Variants in CYBA observed in about 807,000 individuals in gnomAD.
CYBA encodes cytochrome b-245 alpha chain.
CYBA carries 21 observed loss-of-function variants against 20.8 expected under a neutral mutation model. The ratio of observed to expected loss-of-function variants is 1.01; its 90% CI spans 0.72 to 1.46. The LOEUF is 1.46. Ranked by LOEUF, CYBA falls within the 40% of genes most tolerant of loss-of-function variation. CYBA has a pLI of 0.00. For synonymous variants in CYBA, 164 were observed against 127.5 expected (o/e 1.29, Z -1.93); for missense variants, 344 against 287.0 (o/e 1.20, Z -1.43).
intron 5 of CYBA, 63 bp downstream of exon 5, chr16:88,646,053 G>T (rs1368786107): frequency 7.3e-7 from 1 of 1,376,736 alleles, no homozygotes; most frequent in African/African-American, 1.4e-5. Context: ...GCGTGTCCGA[G>T]GGTGTCAGGG....
intron 1 of CYBA, chr16:88,650,561 G>C: frequency 2.0e-6 from 1 of 495,972 alleles, no homozygotes; most frequent in Non-Finnish European, 4.0e-6. Context: ...GCTGGCTACC[G>C]AGGGGCAGGG....
chr16:88,651,036 C>T lies in CYBA; in HGVS notation c.-23G>A, dbSNP rs1488691630. The T allele has an allele frequency of 1.3e-6, 2 of 1,583,116 alleles. No homozygotes were observed. The highest frequency in any genetic ancestry group is 1.3e-5 in the African/African-American group (1 of 74,184). On this transcript the variant is annotated 5_prime_UTR_variant, in exon 1 of 6. Coordinates refer to ENST00000261623, the MANE Select transcript of CYBA (RefSeq NM_000101.4). ...CATGGCGACACGAACCCGGCTGGGA[C>T]ACTGCTAGGCGCGCACTGCCGCCCC...
At position 88,643,716 on chromosome 16, in the gene CYBA, G is replaced by T. The variant is rs1907176246; in HGVS notation, c.370-145C>A. 5.1e-6 allele frequency: 4 copies of T among 786,144 alleles called. No individual in the cohort carries two copies. In the South Asian group the frequency reaches 6.4e-5, roughly 13 times the overall value. The allele number at this position is 786,144 out of a possible 1,614,324, so 48.7% of individuals were successfully genotyped here. A position where few individuals can be genotyped will look rare whatever the true frequency, so the allele number is the denominator to read the frequency against. On this transcript the variant is annotated intron_variant, in intron 5 of 5. Transcript: ENST00000261623. This position sits in a 1 kb window ranked among gnomAD's most constrained non-coding sequence, Gnocchi z 4.3. The stretch of plus-strand genomic sequence containing the variant: ...GATGGTGTGACTGCCACTCAGAGAG[G>T]TTAAGTGACGCGCCCGAGGCCACAC...
intron 1 of CYBA, 82 bp downstream of exon 1, chr16:88,650,874 C>T: frequency 1.4e-6 from 2 of 1,450,970 alleles, no homozygotes; most frequent in African/African-American, 1.4e-5. Context: ...CTTCCCCACC[C>T]TGTAAGTAGC....
intron 1 of CYBA, 154 bp downstream of exon 1, chr16:88,650,802 G>A: frequency 1.3e-6 from 1 of 775,708 alleles, no homozygotes; most frequent in Non-Finnish European, 2.1e-6. Flanking sequence ...TGAGGGTCCC[G>A]CCCCCGTTCC....
Position 88,651,028 on chromosome 16 carries a change from G to C in CYBA, c.-15C>G. 1.3e-6 allele frequency: 2 copies of C among 1,589,802 alleles called. No individual in the cohort carries two copies. Among genetic ancestry groups the C allele is most frequent in the Non-Finnish European group, 1.7e-6 (2 of 1,170,976 alleles). ...ATCTGCCCCATGGCGACACGAACCC[G>C]GCTGGGACACTGCTAGGCGCGCACT... On this transcript the variant is annotated 5_prime_UTR_variant, in exon 1 of 6. Coordinates refer to ENST00000261623, the MANE Select transcript of CYBA (RefSeq NM_000101.4).
Position 88,646,107 on chromosome 16 carries a change from G to A in CYBA, c.369+9C>T, listed in dbSNP as rs1028639370. On this transcript the variant is annotated intron_variant, in intron 5 of 5. Transcript: ENST00000261623. ...GTGGCCGGGGCCGACCTCAGAGGGC[G>A]CCACTCACCAGTAGGTAGATGCCGC... 26 of 1,548,172 alleles carry A rather than the reference G, an allele frequency of 1.7e-5. No individual in the cohort carries two copies. The highest frequency in any genetic ancestry group is 5.5e-5 in the African/African-American group (4 of 73,096).
chr16:88,645,085 C>A, intron 5 of CYBA: 1 of 673,720 alleles, frequency 1.5e-6, no homozygotes, highest in Non-Finnish European at 2.7e-6. Context: ...GCAGGGTGAA[C>A]GGTGCAGAGG....
At position 88,643,297 on chromosome 16, in the gene CYBA, T is replaced by G; in HGVS notation, c.*56A>C. 3 of 1,309,068 alleles carry G rather than the reference T, an allele frequency of 2.3e-6. No individual in the cohort carries two copies. Among genetic ancestry groups the G allele is most frequent in the Non-Finnish European group, 3.1e-6 (3 of 980,646 alleles). 81.1% of individuals were successfully genotyped at this position (1,309,068 alleles called of 1,614,324 possible). A position where few individuals can be genotyped will look rare whatever the true frequency, so the allele number is the denominator to read the frequency against. On this transcript the variant is annotated 3_prime_UTR_variant, in exon 6 of 6. Coordinates refer to ENST00000261623, the MANE Select transcript of CYBA (RefSeq NM_000101.4). This position sits in a 1 kb window ranked among gnomAD's most constrained non-coding sequence, Gnocchi z 4.3. ...GGCAGAGGCTCACGCGCTCCCGGCT[T>G]CGCTGCATTTATTGCAGGTGGGTGC...
chr16:88,645,735 T>G, intron 5 of CYBA: 1 of 531,410 alleles, frequency 1.9e-6, no homozygotes, highest in Non-Finnish European at 3.4e-6. Flanking sequence ...GCGAATAGGG[T>G]TTAGGTGAGA....
In CYBA at chr16:88,643,840, A is replaced by G. The variant is rs1287700333; in HGVS notation, c.370-269T>C. Among the ~76,000 whole-genome samples the G allele has an allele frequency of 6.6e-6, 1 of 152,108 alleles. No homozygotes were observed. Among genetic ancestry groups the G allele is most frequent in the African/African-American group, 2.4e-5 (1 of 41,426 alleles). On this transcript the variant is annotated intron_variant, in intron 5 of 5. Coordinates refer to ENST00000261623, the MANE Select transcript of CYBA (RefSeq NM_000101.4). The surrounding 1 kb of genome is among the most constrained non-coding windows in gnomAD (Gnocchi z 4.3). The stretch of plus-strand genomic sequence containing the variant: ...GCTTCTGGAAGATCCCGTGGTGGAC[A>G]CTCCCAGATGCAAATTCTAGTACTC...
intron 2 of CYBA, 61 bp downstream of exon 2, chr16:88,647,984 G>T: frequency 6.7e-7 from 1 of 1,501,174 alleles, no homozygotes; most frequent in East Asian, 2.3e-5. Flanking sequence ...TCACTGTGAA[G>T]TGGCTCCCCA....
chr16:88,645,689 A>G (rs1165392437), intron 5 of CYBA: 4 of 564,286 alleles, frequency 7.1e-6, no homozygotes, highest in Non-Finnish European at 1.3e-5. Flanking sequence ...GCAGTTTAAG[A>G]AAATGTCTGC....
intron 4 of CYBA, chr16:88,646,532 C>T (rs777707628): frequency 6.7e-5 from 47 of 699,740 alleles, no homozygotes; most frequent in South Asian, 3.9e-4. Context: ...CAGACCCTGG[C>T]GACGGATCGG....
In CYBA at chr16:88,649,151, A is replaced by G. The variant is rs528964164; in HGVS notation, c.59-1037T>C. 9.4e-5 allele frequency among the ~76,000 whole-genome samples: 14 copies of G among 148,254 alleles called. No homozygotes were observed. In the East Asian group the frequency reaches 1.2e-3, roughly 13 times the overall value. ...ACGGGGTTTCACTGTGTTAGCCAGG[A>G]TGGTCTCGATCTCCTGACCTCGTGA... On this transcript the variant is annotated intron_variant, in intron 1 of 5. Transcript: ENST00000261623.
At chr16:88,649,162 C>A (rs897061003) in intron 1 of CYBA, among the ~76,000 whole-genome samples, 8 of 152,080 alleles carry the variant, frequency 5.3e-5, no homozygotes, top group Non-Finnish European at 1.0e-4. Context: ...TGGTCTCGAT[C>A]TCCTGACCTC....
At chr16:88,648,738 C>A (rs1195385298) in intron 1 of CYBA, among the ~76,000 whole-genome samples, 2 of 151,564 alleles carry the variant, frequency 1.3e-5, no homozygotes, top group Non-Finnish European at 2.9e-5. Context: ...CTGCCTCAGC[C>A]TCCTGAGTAG....
chr16:88,650,703 A>G (rs1216773873), intron 1 of CYBA: 1 of 616,688 alleles, frequency 1.6e-6, no homozygotes, highest in South Asian at 1.8e-5. Flanking sequence ...GGGGACCGAG[A>G]GAAGGGAATG....
At position 88,646,953 on chromosome 16, in the gene CYBA, C is replaced by A. The variant is rs1271657867; in HGVS notation, c.204-115G>T. Reference sequence around the variant, plus strand: ...GGCCTCTTTCCTCCCACAAAACACACCGGGCAGGCACCGGCCTTGGTTTAC... The same window carrying A: ...GGCCTCTTTCCTCCCACAAAACACAACGGGCAGGCACCGGCCTTGGTTTAC... On this transcript the variant is annotated intron_variant, in intron 3 of 5. Coordinates refer to ENST00000261623, the MANE Select transcript of CYBA (RefSeq NM_000101.4). 7 of 1,191,766 alleles carry A rather than the reference C, an allele frequency of 5.9e-6. No homozygotes were observed. The Middle Eastern group carries it at 5.7e-4, about 96-fold the overall frequency. 73.8% of individuals were successfully genotyped at this position (1,191,766 alleles called of 1,614,324 possible).
Sources: gnomAD v4.1 joint callset for allele counts (sites outside exome capture counted in the v4.1 genomes callset) on GRCh38, gnomAD v4.1.1 for gene constraint, Gnocchi (gnomAD v3.1) non-coding constraint, MANE v1.5 for transcripts, NCBI Gene and HGNC (gene_info 2026-07-23, HGNC 2026-07-21) for gene names.